FOXP2: variants seen among roughly 807,000 people sequenced by gnomAD.
FOXP2 encodes the protein forkhead box protein P2.
In FOXP2, 12 loss-of-function variants were observed where a neutral mutation model predicts 115.8. The observed-to-expected ratio is 0.10, with a 90% confidence interval of 0.07 to 0.17. The LOEUF is 0.17. Among genes scored for constraint, FOXP2 ranks in the 10% least tolerant of loss-of-function variants. The probability of loss-of-function intolerance (pLI) is 1.00; values close to 1 mark genes in which losing one functional copy is unlikely to be tolerated. For synonymous variants in FOXP2, 328 were observed against 297.7 expected (o/e 1.10, Z -1.05); for missense variants, 629 against 843.5 (o/e 0.75, Z 3.15).
At chr7:114,273,691 A>AT (rs1168556994) in intron 1 of FOXP2, among the ~76,000 whole-genome samples, 2 of 152,012 alleles carry the variant, frequency 1.3e-5, no homozygotes, top group Non-Finnish European at 2.9e-5. Flanking sequence ...CTTTAACACT[A>AT]TTTTTATCTC....
intron 2 of FOXP2, among the ~76,000 whole-genome samples, chr7:114,428,921 C>T (rs950462078): frequency 1.3e-5 from 2 of 151,460 alleles, no homozygotes; most frequent in Non-Finnish European, 3.0e-5. Context: ...TAAAGTTTTA[C>T]ACAAAGAGTT....
intron 3 of FOXP2, chr7:114,570,944 CTAAA>C: frequency 7.3e-7 from 1 of 1,362,166 alleles, no homozygotes; most frequent in Non-Finnish European, 1.1e-6. Context: ...CCCAGTCCCA[CTAAA>C]TAGATTATAT....
intron 2 of FOXP2, among the ~76,000 whole-genome samples, chr7:114,461,669 C>T (rs1258953087): frequency 6.6e-6 from 1 of 151,714 alleles, no homozygotes; most frequent in East Asian, 1.9e-4. Flanking sequence ...GTGACTTTGC[C>T]ATCTTCCATT....
chr7:114,342,516 G>A (rs1303245311), intron 2 of FOXP2, among the ~76,000 whole-genome samples: 1 of 151,408 alleles, frequency 6.6e-6, no homozygotes, highest in Middle Eastern at 3.4e-3. Context: ...TAAATACCTA[G>A]AAGTTAGCTA....
At chr7:114,380,030 G>T (rs1792247358) in intron 2 of FOXP2, among the ~76,000 whole-genome samples, 1 of 152,084 alleles carries the variant, frequency 6.6e-6, no homozygotes, top group South Asian at 2.1e-4. Flanking sequence ...CCCATATTAG[G>T]GGTCCTTCTA....
chr7:114,364,067 A>T (rs984799452), intron 2 of FOXP2, among the ~76,000 whole-genome samples: 2 of 64,090 alleles, frequency 3.1e-5, no homozygotes, highest in South Asian at 8.8e-4. Context: ...TTAAGTACTT[A>T]ATTTCTTTTT....
intron 2 of FOXP2, among the ~76,000 whole-genome samples, chr7:114,453,826 T>C (rs2129220401): frequency 6.6e-6 from 1 of 152,246 alleles, no homozygotes; most frequent in South Asian, 2.1e-4. Flanking sequence ...TGTAGGAAAC[T>C]GAAACTGGAT....
chr7:114,096,740 G>T (rs908553132), intron 1 of FOXP2, among the ~76,000 whole-genome samples: 3 of 152,132 alleles, frequency 2.0e-5, no homozygotes, highest in African/African-American at 7.2e-5. Context: ...TTTTTCTGGC[G>T]ATGTAAGAGC....
intron 16 of FOXP2, chr7:114,668,572 C>G (rs1285545146): frequency 6.6e-6 from 1 of 152,092 alleles, no homozygotes; most frequent in Non-Finnish European, 1.5e-5. Flanking sequence ...CTATCAGGAC[C>G]ATGCACTCTG....
chr7:114,569,708 A>G (rs1801196131), intron 3 of FOXP2, among the ~76,000 whole-genome samples: 2 of 151,922 alleles, frequency 1.3e-5, no homozygotes, highest in South Asian at 4.1e-4. Flanking sequence ...ACAGAGGGAA[A>G]AGGATATTTT....
intron 2 of FOXP2, among the ~76,000 whole-genome samples, chr7:114,360,416 T>A (rs1187198012): frequency 6.6e-6 from 1 of 152,166 alleles, no homozygotes; most frequent in Non-Finnish European, 1.5e-5. Context: ...AAAAAACAAC[T>A]AAGAAGTGTT....
At chr7:114,305,524 T>C (rs1796991986) in intron 2 of FOXP2, among the ~76,000 whole-genome samples, 1 of 151,934 alleles carries the variant, frequency 6.6e-6, no homozygotes, top group African/African-American at 2.4e-5. Context: ...TAAATGACTG[T>C]TTAAAATATG....
intron 2 of FOXP2, among the ~76,000 whole-genome samples, chr7:114,403,352 G>A (rs1445213741): frequency 1.3e-5 from 2 of 152,178 alleles, no homozygotes; most frequent in Non-Finnish European, 2.9e-5. Flanking sequence ...ATTGATATGA[G>A]ATTGTATAGT....
At chr7:114,103,273 G>A (rs921180100) in intron 1 of FOXP2, among the ~76,000 whole-genome samples, 18 of 152,060 alleles carry the variant, frequency 1.2e-4, no homozygotes, top group Admixed American at 2.6e-4. Context: ...GATTAGTGAA[G>A]TATCTGACTG....
chr7:114,447,368 G>A (rs1051199578), intron 2 of FOXP2, among the ~76,000 whole-genome samples: 29 of 151,792 alleles, frequency 1.9e-4, no homozygotes, highest in African/African-American at 6.3e-4. Context: ...AAGATACTTC[G>A]CACCCTTCGA....
rs545553742 is a variant in FOXP2 at position 114,472,597 on chromosome 7, C to T, written c.168+45918C>T. On this transcript the variant is annotated intron_variant, in intron 2 of 16. Coordinates refer to ENST00000350908, the MANE Select transcript of FOXP2 (RefSeq NM_014491.4). Reference sequence around the variant, plus strand: ...TCCTGACCTCAGGTGATCCACCAACCTCGGCCTCCCAGAGTGCTGGGTTTA... The same window carrying T: ...TCCTGACCTCAGGTGATCCACCAACTTCGGCCTCCCAGAGTGCTGGGTTTA... 7.8e-4 allele frequency among the ~76,000 whole-genome samples: 119 copies of T among 152,244 alleles called. 1 individual carries two copies. In the South Asian group the frequency reaches 8.7e-3, roughly 11 times the overall value.
chr7:114,226,466 A>G (rs1794751992), intron 1 of FOXP2, among the ~76,000 whole-genome samples: 1 of 152,160 alleles, frequency 6.6e-6, no homozygotes, highest in Non-Finnish European at 1.5e-5. Context: ...GTCCACTAAC[A>G]TTTGGCACCC....
At chr7:114,643,232 T>G (rs1805680164) in intron 7 of FOXP2, among the ~76,000 whole-genome samples, 1 of 152,204 alleles carries the variant, frequency 6.6e-6, no homozygotes, top group Non-Finnish European at 1.5e-5. Context: ...TATCAATATA[T>G]TTTTATGACT....
Position 114,415,041 on chromosome 7 carries a change from C to A in FOXP2, c.-330C>A, listed in dbSNP as rs1328551816. The stretch of plus-strand genomic sequence containing the variant: ...TCACGTTGCACACCAAAGACATACC[C>A]TAGTGATTAAATGCTGATTTTGTGT... On this transcript the variant is annotated 5_prime_UTR_variant, in exon 1 of 17. Transcript: ENST00000350908. The A allele has an allele frequency of 2.2e-6, 1 of 454,008 alleles. No homozygotes were observed. Among genetic ancestry groups the A allele is most frequent in the Non-Finnish European group, 4.4e-6 (1 of 226,552 alleles). 28.1% of individuals were successfully genotyped at this position (454,008 alleles called of 1,614,324 possible).
Sources: gnomAD v4.1 joint callset for allele counts (sites outside exome capture counted in the v4.1 genomes callset) on GRCh38, gnomAD v4.1.1 for gene constraint, MANE v1.5 for transcripts, NCBI Gene and HGNC (gene_info 2026-07-23, HGNC 2026-07-21) for gene names.